The following SPAG9 variants were observed in gnomAD, a reference collection of about 807,000 sequenced individuals.
SPAG9 encodes the protein C-Jun-amino-terminal kinase-interacting protein 4.
Under a neutral mutation model 166.5 loss-of-function variants are expected in SPAG9, and 35 were observed. The ratio of observed to expected loss-of-function variants is 0.21; its 90% CI spans 0.16 to 0.28. The LOEUF is 0.28. Ranked by LOEUF, SPAG9 falls within the 10% of genes least tolerant of loss-of-function variation. SPAG9 has a pLI of 1.00. For synonymous variants in SPAG9, 534 were observed against 565.5 expected, an observed-to-expected ratio of 0.94 and a Z score of 0.79; for missense variants, 1,235 against 1,603.3, an observed-to-expected ratio of 0.77 and a Z score of 3.92.
At chr17:51,099,005 C>G (rs1190106796) in intron 1 of SPAG9, among the ~76,000 whole-genome samples, 2 of 147,930 alleles carry the variant, frequency 1.4e-5, no homozygotes, top group African/African-American at 5.0e-5. Flanking sequence ...GAGGCTGAGG[C>G]AGAAGAACTG....
chr17:50,981,483 AAGAT>A (rs71353692), intron 25 of SPAG9, among the ~76,000 whole-genome samples: 23,606 of 143,688 alleles, frequency 0.16, 2,047 homozygotes, highest in Middle Eastern at 0.22. Flanking sequence ...TACACAGATA[AAGAT>A]AGATAGATAG....
intron 19 of SPAG9, among the ~76,000 whole-genome samples, chr17:50,991,281 A>G (rs1242888206): frequency 2.0e-5 from 3 of 152,152 alleles, no homozygotes; most frequent in African/African-American, 7.2e-5. Flanking sequence ...GCCAAAAAAA[A>G]ATTCTTTTAA....
intron 1 of SPAG9, among the ~76,000 whole-genome samples, chr17:51,090,212 A>C (rs1481796294): frequency 6.6e-6 from 1 of 152,138 alleles, no homozygotes; most frequent in African/African-American, 2.4e-5. Context: ...TCACAAAGCG[A>C]GTAAAAAAGA....
chr17:50,993,663 C>G, intron 19 of SPAG9, 101 bp downstream of exon 19: 2 of 1,124,194 alleles, frequency 1.8e-6, no homozygotes, highest in Non-Finnish European at 2.5e-6. Flanking sequence ...ACATAAGCTT[C>G]ATGACAGCAA....
intron 9 of SPAG9, among the ~76,000 whole-genome samples, chr17:51,012,722 CTTTATTTATTTA>C (rs142325730): frequency 0.25 from 36,401 of 145,686 alleles, 5,258 homozygotes; most frequent in Admixed American, 0.34. Flanking sequence ...TTACTAGATA[CTTTATTTATTTA>C]TTTATTTATT....
chr17:50,991,633 T>C (rs1975557566), intron 19 of SPAG9, among the ~76,000 whole-genome samples: 1 of 152,078 alleles, frequency 6.6e-6, no homozygotes, highest in East Asian at 1.9e-4. Flanking sequence ...CATTATTTTT[T>C]TTTTTTGGCG....
At chr17:50,994,519 G>A (rs151205433) in intron 18 of SPAG9, among the ~76,000 whole-genome samples, 1 of 152,182 alleles carries the variant, frequency 6.6e-6, no homozygotes, top group African/African-American at 2.4e-5. Context: ...GGGAGGCTGA[G>A]GTGGGAGGAC....
chr17:51,079,752 C>A, intron 1 of SPAG9, 48 bp from the exon 2 acceptor site: 1 of 1,248,620 alleles, frequency 8.0e-7, no homozygotes, highest in South Asian at 1.4e-5. Context: ...TTAAACTTTA[C>A]ATTTTCAACT....
intron 29 of SPAG9, among the ~76,000 whole-genome samples, chr17:50,969,607 C>T (rs1368269351): frequency 4.6e-5 from 7 of 152,060 alleles, no homozygotes; most frequent in African/African-American, 1.7e-4. Context: ...ACTCCAGTCC[C>T]TCCCTCCCTT....
chr17:51,057,220 C>T (rs1036838322), intron 2 of SPAG9, among the ~76,000 whole-genome samples: 2 of 152,014 alleles, frequency 1.3e-5, no homozygotes, highest in Non-Finnish European at 2.9e-5. Context: ...CAAAACCATG[C>T]CTGTGGTGAG....
chr17:51,076,975 A>G lies in SPAG9; in HGVS notation c.424+2609T>C, dbSNP rs2047987652. Among the ~76,000 whole-genome samples, 3 of 142,640 alleles carry G rather than the reference A, an allele frequency of 2.1e-5. No homozygotes were observed. The Admixed American group carries it at 2.2e-4, about 11-fold the overall frequency. 93.6% of individuals were successfully genotyped at this position (142,640 alleles called of 152,430 possible). A position where few individuals can be genotyped will look rare whatever the true frequency, so the allele number is the denominator to read the frequency against. On this transcript the variant is annotated intron_variant, in intron 2 of 29. Transcript: ENST00000262013. ...ACATAATGAGATCTTGTCTCTATCTATCTATCTTATCTAGCTATCTAGCTA... is the reference window on the plus strand; with the variant it reads ...ACATAATGAGATCTTGTCTCTATCTGTCTATCTTATCTAGCTATCTAGCTA...
At chr17:51,096,310 C>T (rs1185263746) in intron 1 of SPAG9, among the ~76,000 whole-genome samples, 2 of 151,118 alleles carry the variant, frequency 1.3e-5, no homozygotes, top group African/African-American at 4.9e-5. Context: ...GACTGCTCCA[C>T]TGCACTCCAG....
Position 51,120,778 on chromosome 17 carries a change from G to A in SPAG9, c.-122C>T. 1.3e-6 allele frequency: 1 copy of A among 797,076 alleles called. No homozygotes were observed. Among genetic ancestry groups the A allele is most frequent in the Non-Finnish European group, 1.8e-6 (1 of 558,758 alleles). The allele number at this position is 797,076 out of a possible 1,614,324, so 49.4% of individuals were successfully genotyped here. On this transcript the variant is annotated 5_prime_UTR_variant, in exon 1 of 30. Coordinates refer to ENST00000262013, the MANE Select transcript of SPAG9 (RefSeq NM_001130528.3). The surrounding 1 kb of genome is among the most constrained non-coding windows in gnomAD (Gnocchi z 4.7). The stretch of plus-strand genomic sequence containing the variant: ...TAGGGCTGGAGCCCGGGCCGGGGCT[G>A]GGGCTGGGCCCGGCGGGGTGGGGGC...
rs1208980783 is a variant in SPAG9 at position 51,119,806 on chromosome 17, C to T, written c.303+548G>A. Among the ~76,000 whole-genome samples, 5 of 152,196 alleles carry T rather than the reference C, an allele frequency of 3.3e-5. No homozygotes were observed. In the South Asian group the frequency reaches 1.0e-3, roughly 32 times the overall value. ...CATCTAAAAGTTGACAAAGTGTCAA[C>T]CAAGGCACATAGAACATAAAATAAG... On this transcript the variant is annotated intron_variant, in intron 1 of 29. Coordinates refer to ENST00000262013, the MANE Select transcript of SPAG9 (RefSeq NM_001130528.3).
At chr17:50,969,955 C>A (rs1973653899) in intron 29 of SPAG9, among the ~76,000 whole-genome samples, 1 of 152,184 alleles carries the variant, frequency 6.6e-6, no homozygotes, top group African/African-American at 2.4e-5. Flanking sequence ...AAGGCTTTGT[C>A]TGATTTGTTT....
At chr17:51,070,057 T>C (rs2047779762) in intron 2 of SPAG9, among the ~76,000 whole-genome samples, 1 of 147,576 alleles carries the variant, frequency 6.8e-6, no homozygotes, top group African/African-American at 2.5e-5. Context: ...ACACAGGAAT[T>C]AGACCCTCAT....
chr17:51,064,011 A>G (rs1036978794), intron 2 of SPAG9, among the ~76,000 whole-genome samples: 2 of 152,238 alleles, frequency 1.3e-5, no homozygotes, highest in African/African-American at 4.8e-5. Context: ...TTAGACGTTA[A>G]GTATTATCCT....
chr17:50,981,717 A>C (rs1308425938), intron 25 of SPAG9, among the ~76,000 whole-genome samples: 1 of 64,210 alleles, frequency 1.6e-5, no homozygotes, highest in Non-Finnish European at 3.3e-5. Flanking sequence ...GTATTGTGAC[A>C]AAAAAAAAAA....
chr17:51,020,394 T>C (rs1174054872), intron 7 of SPAG9, 136 bp from the exon 8 acceptor site: 51 of 603,576 alleles, frequency 8.4e-5, no homozygotes, highest in Non-Finnish European at 2.9e-6. Flanking sequence ...TTTTAGGAAA[T>C]ACAGCATTAT....
Sources: allele counts gnomAD v4.1 joint callset (sites outside exome capture counted in the v4.1 genomes callset), GRCh38; gene constraint gnomAD v4.1.1; non-coding constraint Gnocchi (gnomAD v3.1); transcripts MANE v1.5; gene names NCBI Gene and HGNC (gene_info 2026-07-23, HGNC 2026-07-21).